The following PHKB variants were observed in gnomAD, a reference collection of about 807,000 sequenced individuals.
The protein encoded by PHKB is phosphorylase kinase regulatory subunit beta.
A neutral mutation model predicts 152.1 loss-of-function variants in PHKB; 122 were observed. The observed-to-expected ratio is 0.80, with a 90% CI of 0.69 to 0.93. PHKB has a LOEUF of 0.93. Among genes scored for constraint, PHKB ranks in the 40% least tolerant of loss-of-function variants. The probability of loss-of-function intolerance (pLI) is 0.00; values close to 1 mark genes in which losing one functional copy is unlikely to be tolerated. For synonymous variants in PHKB, 436 were observed against 464.9 expected (o/e 0.94, Z 0.80); for missense variants, 1,304 against 1,328.4 (o/e 0.98, Z 0.29).
intron 1 of PHKB, chr16:47,464,216 G>C (rs747708091): frequency 2.0e-5 from 11 of 549,708 alleles, no homozygotes; most frequent in Admixed American, 3.1e-5. Context: ...TGGAGTGCCT[G>C]CCCCGATATT....
chr16:47,520,459 G>C (rs1970667207), intron 6 of PHKB, among the ~76,000 whole-genome samples: 1 of 152,184 alleles, frequency 6.6e-6, no homozygotes, highest in Non-Finnish European at 1.5e-5. Context: ...CATGTAGTAC[G>C]TGGCAGGGCT....
At chr16:47,591,438 G>A (rs1448411808) in intron 10 of PHKB, among the ~76,000 whole-genome samples, 2 of 152,134 alleles carry the variant, frequency 1.3e-5, no homozygotes, top group African/African-American at 4.8e-5. Context: ...TTCTGATCTC[G>A]TTTCACAGAA....
chr16:47,649,124 G>A lies in PHKB; in HGVS notation c.1717G>A (p.Val573Met). Residue 573 changes from valine (V) to methionine (M), a missense_variant, in exon 18 of 31, where the codon GTG becomes ATG. Val to Met is a conservative substitution (Grantham distance 21). Transcript: ENST00000323584. ...GATTTATCGCATTCTAGGAAAGACT[G>A]TGGTTTGTTACCCGATTATTTTCGA... ...SKIYRILGKT[V>M]VCYPIIFDLS... is the part of the protein sequence containing the mutation. The A allele has an allele frequency of 6.2e-7, 1 of 1,605,710 alleles. No homozygotes were observed. Among genetic ancestry groups the A allele is most frequent in the Non-Finnish European group, 8.5e-7 (1 of 1,172,396 alleles).
At chr16:47,573,600 GC>G (rs1971699763) in intron 7 of PHKB, among the ~76,000 whole-genome samples, 1 of 152,168 alleles carries the variant, frequency 6.6e-6, no homozygotes, top group Non-Finnish European at 1.5e-5. Context: ...CCCTCAGCAT[GC>G]AAAACTGCCC....
At chr16:47,656,828 AGCCTTCTCTCCCAGCCCCATTACCCAG>A (rs1235536433) in intron 20 of PHKB, among the ~76,000 whole-genome samples, 1 of 152,100 alleles carries the variant, frequency 6.6e-6, no homozygotes, top group African/African-American at 2.4e-5. Context: ...CTAGGATCCC[AGCCTTCTCTCCCAGCCCCATTACCCAG>A]GACATCTCTC....
At chr16:47,680,971 C>A (rs920886093) in intron 26 of PHKB, among the ~76,000 whole-genome samples, 1 of 152,118 alleles carries the variant, frequency 6.6e-6, no homozygotes, top group African/African-American at 2.4e-5. Context: ...TATGTTGTGT[C>A]TTTGTTCTCA....
intron 6 of PHKB, among the ~76,000 whole-genome samples, chr16:47,541,965 T>C (rs531692973): frequency 6.6e-6 from 1 of 152,210 alleles, no homozygotes; most frequent in Non-Finnish European, 1.5e-5. Context: ...ACTCTGATGG[T>C]AGTTTCTTTT....
At chr16:47,599,532 AATGTAGACAGGTCTTGAGTGAAG>A (rs1462796526) in intron 13 of PHKB, among the ~76,000 whole-genome samples, 1 of 152,218 alleles carries the variant, frequency 6.6e-6, no homozygotes, top group Non-Finnish European at 1.5e-5. Context: ...AAATGTGTTG[AATGTAGACAGGTCTTGAGTGAAG>A]ATAGTATTTT....
intron 1 of PHKB, among the ~76,000 whole-genome samples, chr16:47,490,412 C>T (rs1970128212): frequency 6.6e-6 from 1 of 152,160 alleles, no homozygotes; most frequent in South Asian, 2.1e-4. Context: ...CTAACATATA[C>T]TTAGACATTA....
chr16:47,482,570 T>C (rs534985525), intron 1 of PHKB, among the ~76,000 whole-genome samples: 97 of 152,248 alleles, frequency 6.4e-4, no homozygotes, highest in South Asian at 2.1e-3. Flanking sequence ...TTCATCAAAG[T>C]GTAAATGAGA....
chr16:47,528,752 A>G (rs1970810199), intron 6 of PHKB, among the ~76,000 whole-genome samples: 4 of 145,500 alleles, frequency 2.7e-5, no homozygotes, highest in Admixed American at 2.1e-4. Flanking sequence ...GCTGGAGTGC[A>G]GTGGCATGAT....
chr16:47,484,374 C>T (rs1173638186), intron 1 of PHKB, among the ~76,000 whole-genome samples: 1 of 152,006 alleles, frequency 6.6e-6, no homozygotes, highest in African/African-American at 2.4e-5. Flanking sequence ...AAATATGTTT[C>T]TTACCCACCT....
At chr16:47,560,638 ATG>A (rs1971459872) in intron 7 of PHKB, among the ~76,000 whole-genome samples, 1 of 152,214 alleles carries the variant, frequency 6.6e-6, no homozygotes, top group Non-Finnish European at 1.5e-5. Flanking sequence ...ATTTTCATGA[ATG>A]TGCAAAGACA....
At chr16:47,652,023 A>G (rs929451461) in intron 20 of PHKB, among the ~76,000 whole-genome samples, 1 of 151,994 alleles carries the variant, frequency 6.6e-6, no homozygotes, top group African/African-American at 2.4e-5. Context: ...GAGGATATCA[A>G]CTAGAGGTTT....
intron 13 of PHKB, among the ~76,000 whole-genome samples, chr16:47,603,140 T>A (rs925689153): frequency 6.6e-6 from 1 of 152,204 alleles, no homozygotes; most frequent in Non-Finnish European, 1.5e-5. Context: ...CCCTAGTGTA[T>A]GTATATAAGG....
intron 13 of PHKB, among the ~76,000 whole-genome samples, chr16:47,606,582 T>C (rs940028034): frequency 6.6e-6 from 1 of 152,244 alleles, no homozygotes; most frequent in Non-Finnish European, 1.5e-5. Flanking sequence ...AATTTGCACA[T>C]GTGTGAGCAT....
chr16:47,515,838 A>G (rs1024001354), intron 6 of PHKB, among the ~76,000 whole-genome samples: 3 of 152,242 alleles, frequency 2.0e-5, no homozygotes, highest in South Asian at 2.1e-4. Context: ...TGAAGACTCT[A>G]TTTCAGGTGA....
chr16:47,610,679 A>T, intron 13 of PHKB, 147 bp from the exon 14 acceptor site: 1 of 674,794 alleles, frequency 1.5e-6, no homozygotes, highest in Middle Eastern at 3.4e-4. Context: ...ATGGCCTAGT[A>T]TGTGGTATAT....
At chr16:47,576,021 A>G (rs1296509438) in intron 7 of PHKB, among the ~76,000 whole-genome samples, 1 of 152,190 alleles carries the variant, frequency 6.6e-6, no homozygotes, top group Non-Finnish European at 1.5e-5. Context: ...GGTTGTGGTG[A>G]GCCGAGATCG....
Sources: gnomAD v4.1 joint callset for allele counts (sites outside exome capture counted in the v4.1 genomes callset) on GRCh38, gnomAD v4.1.1 for gene constraint, MANE v1.5 for transcripts, NCBI Gene and HGNC (gene_info 2026-07-23, HGNC 2026-07-21) for gene names.